BTBD2: variants seen among roughly 807,000 people sequenced by gnomAD.
The protein encoded by BTBD2 is BTB domain containing 2, also known as BTB/POZ domain-containing protein 2.
In BTBD2, 15 loss-of-function variants were observed where a neutral mutation model predicts 44.0. The observed-to-expected ratio is 0.34, with a 90% confidence interval of 0.23 to 0.53. The LOEUF (loss-of-function observed/expected upper bound fraction) is 0.53, where lower values mean the gene tolerates loss of function less well. Ranked by LOEUF, BTBD2 falls within the 20% of genes least tolerant of loss-of-function variation. BTBD2 has a pLI of 0.95. For missense variants in BTBD2, 657 were observed against 746.4 expected (o/e 0.88, Z 1.39); for synonymous variants, 443 against 335.9 (o/e 1.32, Z -3.49).
chr19:2,001,413 A>G (rs1053828589), intron 1 of BTBD2, among the ~76,000 whole-genome samples: 4 of 152,064 alleles, frequency 2.6e-5, no homozygotes, highest in Admixed American at 6.6e-5. Flanking sequence ...AATTGCTTGA[A>G]CCCTGGAGGC....
chr19:1,999,477 G>A (rs1278421041), intron 1 of BTBD2, among the ~76,000 whole-genome samples: 1 of 152,094 alleles, frequency 6.6e-6, no homozygotes. Context: ...ACCAGCCTGG[G>A]CAACATAGTG....
intron 2 of BTBD2, among the ~76,000 whole-genome samples, chr19:1,995,337 A>G (rs1337664698): frequency 6.4e-5 from 9 of 140,372 alleles, no homozygotes; most frequent in Non-Finnish European, 1.4e-4. Context: ...GCTGGAGTGC[A>G]GTGGCATGAC....
chr19:1,999,807 CA>C (rs1239537790), intron 1 of BTBD2, among the ~76,000 whole-genome samples: 4 of 151,688 alleles, frequency 2.6e-5, no homozygotes, highest in South Asian at 4.2e-4. Flanking sequence ...ACTAAAAATA[CA>C]AAAATTAGCT....
At chr19:1,994,966 T>C (rs571989525) in intron 2 of BTBD2, among the ~76,000 whole-genome samples, 2 of 152,232 alleles carry the variant, frequency 1.3e-5, no homozygotes, top group African/African-American at 4.8e-5. Context: ...GATTCTGGTT[T>C]TTCTTTTTTT....
At chr19:1,990,669 C>T (rs781156794) in intron 4 of BTBD2, 48 bp downstream of exon 4, 67 of 1,452,618 alleles carry the variant, frequency 4.6e-5, no homozygotes, top group Non-Finnish European at 5.6e-5. Flanking sequence ...CGGACCCTCC[C>T]GCCGAGGCCC....
At chr19:2,012,061 G>A (rs1282080854) in intron 1 of BTBD2, among the ~76,000 whole-genome samples, 1 of 151,808 alleles carries the variant, frequency 6.6e-6, no homozygotes. Context: ...TCACCACGTT[G>A]GCCAGGATGG....
At position 1,996,453 on chromosome 19, in the gene BTBD2, T is replaced by C. The variant is rs545207612; in HGVS notation, c.527+891A>G. On this transcript the variant is annotated intron_variant, in intron 2 of 8. Coordinates refer to ENST00000255608, the MANE Select transcript of BTBD2 (RefSeq NM_017797.4). ...GATGTGTTTCCATTTATTGTGTCTT[T>C]TTAAATTTCTTTCACTGATGTTTCC... Among the ~76,000 whole-genome samples the C allele has an allele frequency of 3.1e-4, 47 of 150,748 alleles. 2 individuals carry two copies. The highest frequency in any genetic ancestry group is 1.1e-3 in the African/African-American group (46 of 40,722).
chr19:1,993,399 G>A (rs1294636598), intron 2 of BTBD2, among the ~76,000 whole-genome samples: 1 of 152,176 alleles, frequency 6.6e-6, no homozygotes, highest in East Asian at 1.9e-4. Flanking sequence ...CCATGAAAAC[G>A]AGCAAGAGGC....
intron 1 of BTBD2, among the ~76,000 whole-genome samples, chr19:1,999,130 C>T (rs539387001): frequency 6.6e-6 from 1 of 152,284 alleles, no homozygotes; most frequent in East Asian, 1.9e-4. Context: ...CCTCCCACCA[C>T]ACGCGCCCCC....
chr19:2,001,115 C>A (rs986779100), intron 1 of BTBD2, among the ~76,000 whole-genome samples: 2 of 152,066 alleles, frequency 1.3e-5, no homozygotes, highest in African/African-American at 4.8e-5. Context: ...GAAACCCTGT[C>A]TCTATGAAAA....
chr19:1,997,477 G>C lies in BTBD2; in HGVS notation c.408-14C>G, dbSNP rs770359304. On this transcript the variant is annotated splice_polypyrimidine_tract_variant and intron_variant, in intron 1 of 8. Transcript: ENST00000255608. ...GCCAGCACGAACCTGGTACGGGAGA[G>C]AGAAGGCCCTGGTTAAGCCCGTGGC... is the stretch of plus-strand genomic sequence containing the variant. 21 of 1,613,654 alleles carry C rather than the reference G, an allele frequency of 1.3e-5. No individual in the cohort carries two copies. In the Admixed American group the frequency reaches 3.3e-4, roughly 26 times the overall value.
At position 2,000,947 on chromosome 19, in the gene BTBD2, G is replaced by T. The variant is rs562585837; in HGVS notation, c.408-3484C>A. ...AGGCACAGAAGGACAAATCCTGTGT[G>T]ATCCACTCCTAGGAGGTCCCCAGAG... On this transcript the variant is annotated intron_variant, in intron 1 of 8. Transcript: ENST00000255608. Among the ~76,000 whole-genome samples the T allele has an allele frequency of 2.0e-5, 3 of 152,256 alleles. No homozygotes were observed. In the East Asian group the frequency reaches 5.8e-4, roughly 29 times the overall value.
At chr19:2,013,665 G>A (rs990062391) in intron 1 of BTBD2, 3 of 986,344 alleles carry the variant, frequency 3.0e-6, no homozygotes, top group Middle Eastern at 5.1e-4. Context: ...CGGGGCTGGA[G>A]GGGCTGTGGA....
chr19:1,995,470 G>A (rs976872335), intron 2 of BTBD2, among the ~76,000 whole-genome samples: 2 of 138,218 alleles, frequency 1.4e-5, no homozygotes, highest in Admixed American at 7.4e-5. Flanking sequence ...TTTTAGTAGA[G>A]ACGGGGTTTC....
intron 1 of BTBD2, among the ~76,000 whole-genome samples, chr19:1,998,389 A>G (rs2016279770): frequency 1.3e-5 from 2 of 152,224 alleles, no homozygotes; most frequent in African/African-American, 4.8e-5. Context: ...CGCCACGTCC[A>G]TGGGGAAGGG....
chr19:1,997,294 TCCCC>T (rs1238456782), intron 2 of BTBD2, 46 bp downstream of exon 2: 5 of 1,610,594 alleles, frequency 3.1e-6, no homozygotes, highest in Non-Finnish European at 3.4e-6. Flanking sequence ...TTCTCTGAGG[TCCCC>T]CTCCCCAGGC....
At chr19:2,008,136 C>G (rs934339644) in intron 1 of BTBD2, among the ~76,000 whole-genome samples, 1 of 151,970 alleles carries the variant, frequency 6.6e-6, no homozygotes, top group Non-Finnish European at 1.5e-5. Flanking sequence ...TCCCGAGTAG[C>G]TGGGATTACA....
Position 2,006,817 on chromosome 19 carries a change from TA to T in BTBD2, c.407+8479del, listed in dbSNP as rs574236431. 1.7e-3 allele frequency among the ~76,000 whole-genome samples: 265 copies of T among 152,076 alleles called. 2 individuals are homozygous for T. The highest frequency in any genetic ancestry group is 6.2e-3 in the African/African-American group (259 of 41,506). On this transcript the variant is annotated intron_variant, in intron 1 of 8. Transcript: ENST00000255608. ...GATTCTCCTGCCTCAGCCTCCTACG[TA>T]GCTGGGATTACAGGTGCTCACCACC...
At position 1,987,231 on chromosome 19, in the gene BTBD2, A is replaced by G. The variant is rs756258971; in HGVS notation, c.1204T>C (p.Phe402Leu). Residue 402 changes from phenylalanine to leucine, a missense_variant, in exon 7 of 9, where the codon TTC (phenylalanine) becomes CTC (leucine). Physicochemically the swap from Phe to Leu is conservative, Grantham distance 22. Coordinates refer to ENST00000255608, the MANE Select transcript of BTBD2 (RefSeq NM_017797.4). ...CCATACAGCCCAAATCCCACCACGA[A>G]GATGCGCTTGTTGACTGAGAACCTG... ...RIRFSVNKRIFVVGFGLYGSI... is the reference protein window; with the variant it reads ...RIRFSVNKRILVVGFGLYGSI... 1 of 1,613,806 alleles carries G rather than the reference A, an allele frequency of 6.2e-7. No individual in the cohort carries two copies. Among genetic ancestry groups the G allele is most frequent in the East Asian group, 2.2e-5 (1 of 44,874 alleles).
Sources: allele counts gnomAD v4.1 joint callset (sites outside exome capture counted in the v4.1 genomes callset), GRCh38; gene constraint gnomAD v4.1.1; transcripts MANE v1.5; gene names NCBI Gene and HGNC (gene_info 2026-07-23, HGNC 2026-07-21).